SYNPO2: variants seen among roughly 807,000 people sequenced by gnomAD.
The protein encoded by SYNPO2 is synaptopodin 2, also known as synaptopodin-2.
A neutral mutation model predicts 85.0 loss-of-function variants in SYNPO2; 56 were observed. That is an observed-to-expected ratio of 0.66 (90% CI 0.53 to 0.82). The LOEUF (loss-of-function observed/expected upper bound fraction) is 0.82. Ranked by LOEUF, SYNPO2 falls within the 40% of genes least tolerant of loss-of-function variation. SYNPO2 has a pLI of 0.00. For synonymous variants in SYNPO2, 602 were observed against 591.1 expected (o/e 1.02, Z -0.27); for missense variants, 1,575 against 1,534.2 (o/e 1.03, Z -0.44).
At chr4:118,978,097 C>T (rs967715438) in intron 1 of SYNPO2, among the ~76,000 whole-genome samples, 1 of 152,092 alleles carries the variant, frequency 6.6e-6, no homozygotes, top group African/African-American at 2.4e-5. Flanking sequence ...TGGGTGAATT[C>T]CTTGAAAACG....
intron 1 of SYNPO2, among the ~76,000 whole-genome samples, chr4:118,966,133 C>G (rs1286827988): frequency 6.6e-6 from 1 of 152,030 alleles, no homozygotes; most frequent in East Asian, 1.9e-4. Context: ...GATAGGACAA[C>G]CAGGATTAAT....
At chr4:118,943,541 T>A (rs980622191) in intron 1 of SYNPO2, among the ~76,000 whole-genome samples, 1 of 152,240 alleles carries the variant, frequency 6.6e-6, no homozygotes, top group Non-Finnish European at 1.5e-5. Context: ...TGTTTTTTCA[T>A]GCTAACATGC....
In SYNPO2 at chr4:119,057,545, G is replaced by A. The variant is rs767152741; in HGVS notation, c.3397G>A (p.Glu1133Lys). ...EKANKRPTPW[E>K]AAAKSPLGLV... ...AGCAAACAAGAGACCAACTCCTTGG[G>A]AAGCAGCAGCAAAGTCTCCTCTCGG... The change falls in exon 5 of 5, where the codon GAA (glutamate) becomes AAA (lysine). Residue 1133 changes from glutamate to lysine, a missense_variant. Coordinates refer to ENST00000307142, the MANE Select transcript of SYNPO2 (RefSeq NM_133477.3). The A allele has an allele frequency of 4.3e-6, 7 of 1,614,030 alleles. No homozygotes were observed. The South Asian group carries it at 7.7e-5, about 18-fold the overall frequency.
intron 1 of SYNPO2, among the ~76,000 whole-genome samples, chr4:118,907,989 T>G (rs1732991963): frequency 6.6e-6 from 1 of 152,220 alleles, no homozygotes; most frequent in Non-Finnish European, 1.5e-5. Flanking sequence ...TGTGTAGTAT[T>G]ATACATTATA....
At chr4:118,989,041 T>C (rs1736318935) in intron 1 of SYNPO2, among the ~76,000 whole-genome samples, 1 of 152,204 alleles carries the variant, frequency 6.6e-6, no homozygotes, top group South Asian at 2.1e-4. Flanking sequence ...ACAAGAGTCA[T>C]TGAATTAGGC....
chr4:118,898,515 C>T (rs1732620552), intron 1 of SYNPO2, among the ~76,000 whole-genome samples: 1 of 152,158 alleles, frequency 6.6e-6, no homozygotes, highest in Admixed American at 6.5e-5. Context: ...TTGGTTTTAT[C>T]TTATGTGCAG....
intron 4 of SYNPO2, among the ~76,000 whole-genome samples, chr4:119,054,523 G>T (rs1304565815): frequency 6.6e-6 from 1 of 152,158 alleles, no homozygotes; most frequent in Non-Finnish European, 1.5e-5. Flanking sequence ...TGGGCAGGTT[G>T]TCTTCCCCTG....
intron 2 of SYNPO2, among the ~76,000 whole-genome samples, chr4:119,026,228 G>T (rs1438254621): frequency 6.6e-6 from 1 of 152,176 alleles, no homozygotes; most frequent in Non-Finnish European, 1.5e-5. Flanking sequence ...ATGTTTATGT[G>T]ACTTCATAAT....
At chr4:118,928,178 G>A (rs951198150) in intron 1 of SYNPO2, among the ~76,000 whole-genome samples, 10 of 152,176 alleles carry the variant, frequency 6.6e-5, no homozygotes, top group Non-Finnish European at 1.2e-4. Context: ...GAACTGGACG[G>A]TAACAGTTCA....
At chr4:119,046,190 T>C (rs1291488351) in intron 4 of SYNPO2, among the ~76,000 whole-genome samples, 1 of 152,212 alleles carries the variant, frequency 6.6e-6, no homozygotes, top group Non-Finnish European at 1.5e-5. Context: ...GTTTTGTACA[T>C]TTTAGTTATT....
chr4:118,857,842 C>T (rs1037631234), intron 1 of SYNPO2, among the ~76,000 whole-genome samples: 9 of 152,112 alleles, frequency 5.9e-5, no homozygotes, highest in Non-Finnish European at 1.0e-4. Context: ...AAGTGAATGG[C>T]TTTTTAAAGG....
chr4:118,980,323 A>T (rs1439469427), intron 1 of SYNPO2, among the ~76,000 whole-genome samples: 1 of 152,102 alleles, frequency 6.6e-6, no homozygotes, highest in Non-Finnish European at 1.5e-5. Context: ...GTGCCTTCAG[A>T]CCTTCTCCGG....
chr4:118,950,108 C>T (rs1349175066), intron 1 of SYNPO2, among the ~76,000 whole-genome samples: 1 of 151,996 alleles, frequency 6.6e-6, no homozygotes, highest in East Asian at 1.9e-4. Context: ...CTGCCACATT[C>T]CATTCTCAAT....
chr4:118,998,580 A>G (rs1410880726), intron 1 of SYNPO2, among the ~76,000 whole-genome samples: 2 of 152,188 alleles, frequency 1.3e-5, no homozygotes, highest in African/African-American at 2.4e-5. Context: ...GCCTGGTTCA[A>G]AAGTTACATC....
At chr4:118,860,768 G>T (rs928677206) in intron 1 of SYNPO2, among the ~76,000 whole-genome samples, 1 of 152,004 alleles carries the variant, frequency 6.6e-6, no homozygotes, top group African/African-American at 2.4e-5. Context: ...TGTTGGTCAG[G>T]ATGGTTTCGA....
chr4:118,930,012 A>G (rs1281626145), intron 1 of SYNPO2, among the ~76,000 whole-genome samples: 1 of 152,184 alleles, frequency 6.6e-6, no homozygotes, highest in African/African-American at 2.4e-5. Context: ...AATGTTCATA[A>G]TAATGGCCAG....
At chr4:118,903,449 G>A (rs2149120218) in intron 1 of SYNPO2, among the ~76,000 whole-genome samples, 1 of 152,230 alleles carries the variant, frequency 6.6e-6, no homozygotes, top group East Asian at 1.9e-4. Context: ...CAAAAATTAA[G>A]AAGAGCAGTA....
At chr4:118,906,735 A>G (rs1439821471) in intron 1 of SYNPO2, among the ~76,000 whole-genome samples, 3 of 152,192 alleles carry the variant, frequency 2.0e-5, no homozygotes, top group Non-Finnish European at 4.4e-5. Context: ...TGTGTACCTT[A>G]CTAGATCTTT....
At chr4:118,986,452 G>C (rs1260648485) in intron 1 of SYNPO2, among the ~76,000 whole-genome samples, 1 of 152,174 alleles carries the variant, frequency 6.6e-6, no homozygotes, top group East Asian at 1.9e-4. Flanking sequence ...TTTGGGTTAG[G>C]TCACTCAGAG....
Sources: gnomAD v4.1 joint callset for allele counts (sites outside exome capture counted in the v4.1 genomes callset) on GRCh38, gnomAD v4.1.1 for gene constraint, MANE v1.5 for transcripts, NCBI Gene and HGNC (gene_info 2026-07-23, HGNC 2026-07-21) for gene names.